The following ST3GAL1 variants were observed in gnomAD, a reference collection of about 807,000 sequenced individuals.
ST3GAL1 encodes the protein CMP-N-acetylneuraminate-beta-galactosamide-alpha-2,3-sialyltransferase 1.
Under a neutral mutation model 34.1 loss-of-function variants are expected in ST3GAL1, and 16 were observed. The ratio of observed to expected loss-of-function variants is 0.47; its 90% confidence interval spans 0.32 to 0.71. ST3GAL1 has a LOEUF of 0.71. ST3GAL1 is among the 30% of genes least tolerant of loss of function. ST3GAL1 has a pLI of 0.04. For synonymous variants in ST3GAL1, 191 were observed against 184.7 expected (o/e 1.03, Z -0.28); for missense variants, 353 against 447.4 (o/e 0.79, Z 1.90).
At chr8:133,498,634 C>T (rs1817046417) in intron 3 of ST3GAL1, among the ~76,000 whole-genome samples, 1 of 152,218 alleles carries the variant, frequency 6.6e-6, no homozygotes, top group Non-Finnish European at 1.5e-5. Context: ...ACCAAAAATA[C>T]TACAAACCAC....
chr8:133,546,767 G>A (rs1246803459), intron 1 of ST3GAL1, among the ~76,000 whole-genome samples: 1 of 152,096 alleles, frequency 6.6e-6, no homozygotes, highest in East Asian at 1.9e-4. Context: ...GGGAGGCCAA[G>A]GTGGGCGGAT....
At chr8:133,464,044 G>A (rs764487977) in intron 7 of ST3GAL1, among the ~76,000 whole-genome samples, 1 of 151,966 alleles carries the variant, frequency 6.6e-6, no homozygotes, top group Non-Finnish European at 1.5e-5. Flanking sequence ...ACATCCGGGG[G>A]CTAGCTCTGT....
At chr8:133,559,570 C>T (rs879149259) in intron 1 of ST3GAL1, among the ~76,000 whole-genome samples, 1 of 152,154 alleles carries the variant, frequency 6.6e-6, no homozygotes, top group Non-Finnish European at 1.5e-5. Flanking sequence ...CATTCCTATT[C>T]GTGGCAGCTA....
rs537115748 is a variant in ST3GAL1 at position 133,467,086 on chromosome 8, C to T, written c.307-996G>A. Among the ~76,000 whole-genome samples, 3 of 148,594 alleles carry T rather than the reference C, an allele frequency of 2.0e-5. No homozygotes were observed. In the South Asian group the frequency reaches 6.4e-4, roughly 32 times the overall value. On this transcript the variant is annotated intron_variant, in intron 5 of 9. Coordinates refer to ENST00000522652, the MANE Select transcript of ST3GAL1 (RefSeq NM_173344.3). This position sits in a 1 kb window ranked among gnomAD's most constrained non-coding sequence, Gnocchi z 4.2. ...CTTCAGCCTGGGTGACAGAGCGAGA[C>T]TCCAACTCGAAAAAAAAAAAAAAAA... is the stretch of plus-strand genomic sequence containing the variant.
chr8:133,484,239 C>T (rs563969478), intron 3 of ST3GAL1, among the ~76,000 whole-genome samples: 1 of 152,270 alleles, frequency 6.6e-6, no homozygotes, highest in South Asian at 2.1e-4. Flanking sequence ...ACCTCGTCTA[C>T]CTCATCAGGC....
In ST3GAL1 at chr8:133,461,560, T is replaced by C. The variant is rs1231152979; in HGVS notation, c.849+315A>G. On this transcript the variant is annotated intron_variant, in intron 9 of 9. Coordinates refer to ENST00000522652, the MANE Select transcript of ST3GAL1 (RefSeq NM_173344.3). This position sits in a 1 kb window ranked among gnomAD's most constrained non-coding sequence, Gnocchi z 4.7. The stretch of plus-strand genomic sequence containing the variant: ...CAAGTGGGATTGAGAACTGTGGCCT[T>C]AGACAACTCTCGCTATGAGAATCCG... Among the ~76,000 whole-genome samples the C allele has an allele frequency of 2.6e-5, 4 of 152,256 alleles. No homozygotes were observed. The highest frequency in any genetic ancestry group is 9.6e-5 in the African/African-American group (4 of 41,538).
Position 133,475,967 on chromosome 8 carries a change from A to C in ST3GAL1, c.58T>G (p.Phe20Val). ...KVLTFLVLFI[F>V]LTSFFLNYSH... is the part of the protein sequence containing the mutation. ...TAGTTCAGGAAGAAGGAGGTGAGGAAGATGAAGAGCACGAGGAAGGTGAGC... is the reference window on the plus strand; with the variant it reads ...TAGTTCAGGAAGAAGGAGGTGAGGACGATGAAGAGCACGAGGAAGGTGAGC... Residue 20 changes from phenylalanine (F) to valine (V), a missense_variant, in exon 5 of 10, where the codon TTC becomes GTC. By Grantham distance (50) the Phe-to-Val change is conservative (BLOSUM62 -1). Transcript: ENST00000522652. 1.2e-6 allele frequency: 2 copies of C among 1,613,698 alleles called. No individual in the cohort carries two copies. Among genetic ancestry groups the C allele is most frequent in the Non-Finnish European group, 1.7e-6 (2 of 1,179,812 alleles).
chr8:133,512,033 C>T (rs1314242560), intron 2 of ST3GAL1, among the ~76,000 whole-genome samples: 1 of 152,168 alleles, frequency 6.6e-6, no homozygotes, highest in African/African-American at 2.4e-5. Context: ...AGCCTGGCAA[C>T]AGAGCGAGAC....
intron 1 of ST3GAL1, among the ~76,000 whole-genome samples, chr8:133,565,555 T>C (rs1190495566): frequency 1.3e-5 from 2 of 152,196 alleles, no homozygotes; most frequent in African/African-American, 4.8e-5. Context: ...TGGAAGCACA[T>C]CTTTATTCAG....
intron 1 of ST3GAL1, among the ~76,000 whole-genome samples, chr8:133,563,812 C>T (rs1819313279): frequency 6.6e-6 from 1 of 152,220 alleles, no homozygotes; most frequent in Admixed American, 6.5e-5. Context: ...GCAGGTACAG[C>T]TGCTGCACAT....
chr8:133,526,861 G>A (rs1167829718), intron 2 of ST3GAL1, among the ~76,000 whole-genome samples: 1 of 152,138 alleles, frequency 6.6e-6, no homozygotes, highest in Non-Finnish European at 1.5e-5. Context: ...AGATGAGGAA[G>A]CAGGACAGGA....
intron 7 of ST3GAL1, among the ~76,000 whole-genome samples, chr8:133,463,761 G>A (rs895882920): frequency 5.3e-5 from 8 of 152,196 alleles, no homozygotes; most frequent in South Asian, 2.1e-4. Context: ...GAGTGGGGCC[G>A]TGGTGCCTCC....
At chr8:133,537,303 T>G (rs999053831) in intron 2 of ST3GAL1, among the ~76,000 whole-genome samples, 1 of 82,024 alleles carries the variant, frequency 1.2e-5, no homozygotes, top group African/African-American at 3.0e-5. Flanking sequence ...CCCAGTCTTC[T>G]GGGGTTTTAT....
At chr8:133,538,735 T>C (rs1358101284) in intron 2 of ST3GAL1, among the ~76,000 whole-genome samples, 3 of 152,184 alleles carry the variant, frequency 2.0e-5, no homozygotes, top group Non-Finnish European at 2.9e-5. Context: ...CTCAAATGCA[T>C]ATTATTCCAT....
intron 2 of ST3GAL1, chr8:133,516,039 G>A (rs1817636691): frequency 6.6e-6 from 1 of 152,030 alleles, no homozygotes; most frequent in African/African-American, 2.4e-5. Flanking sequence ...ACTTTTAATA[G>A]AGACAGAGTT....
intron 5 of ST3GAL1, among the ~76,000 whole-genome samples, chr8:133,474,754 G>A (rs1388890961): frequency 1.3e-5 from 2 of 152,094 alleles, no homozygotes; most frequent in African/African-American, 4.8e-5. Context: ...CTGCCTGTGG[G>A]TCTCAACTTG....
chr8:133,560,608 G>A (rs373887049), intron 1 of ST3GAL1, among the ~76,000 whole-genome samples: 27 of 152,310 alleles, frequency 1.8e-4, no homozygotes, highest in East Asian at 7.7e-4. Flanking sequence ...GTCACAGCAC[G>A]TCTCGTGGGC....
At chr8:133,561,823 G>C (rs927380109) in intron 1 of ST3GAL1, among the ~76,000 whole-genome samples, 1 of 152,140 alleles carries the variant, frequency 6.6e-6, no homozygotes, top group African/African-American at 2.4e-5. Flanking sequence ...TCACTGTGCT[G>C]TGTACCTCTC....
At chr8:133,532,682 G>A (rs1818192233) in intron 2 of ST3GAL1, among the ~76,000 whole-genome samples, 1 of 152,176 alleles carries the variant, frequency 6.6e-6, no homozygotes. Flanking sequence ...CTCGTGTGAT[G>A]CCATACTCTG....
Sources: allele counts gnomAD v4.1 joint callset (sites outside exome capture counted in the v4.1 genomes callset), GRCh38; gene constraint gnomAD v4.1.1; non-coding constraint Gnocchi (gnomAD v3.1); transcripts MANE v1.5; gene names NCBI Gene and HGNC (gene_info 2026-07-23, HGNC 2026-07-21).